Variants in ADAMTS14 observed in about 807,000 individuals in gnomAD.
ADAMTS14 encodes ADAM metallopeptidase with thrombospondin type 1 motif 14.
ADAMTS14 carries 100 observed loss-of-function variants against 128.6 expected under a neutral mutation model. That is an observed-to-expected ratio of 0.78 (90% CI 0.66 to 0.92). ADAMTS14 has a LOEUF of 0.92. Among genes scored for constraint, ADAMTS14 ranks in the 40% least tolerant of loss-of-function variants. The pLI is 0.00. For synonymous variants in ADAMTS14, 665 were observed against 653.8 expected (o/e 1.02, Z -0.26); for missense variants, 1,562 against 1,658.6 (o/e 0.94, Z 1.01).
At chr10:70,758,970 G>A (rs978731005) in intron 21 of ADAMTS14, among the ~76,000 whole-genome samples, 1 of 152,084 alleles carries the variant, frequency 6.6e-6, no homozygotes, top group African/African-American at 2.4e-5. Context: ...CCTAGGACCA[G>A]GGTCTGGCAA....
intron 21 of ADAMTS14, among the ~76,000 whole-genome samples, chr10:70,758,504 C>A (rs1842533745): frequency 6.6e-6 from 1 of 152,196 alleles, no homozygotes; most frequent in South Asian, 2.1e-4. Context: ...AAGTTTGGTG[C>A]AAACTTACCT....
At chr10:70,718,409 A>G (rs1841126113) in intron 4 of ADAMTS14, among the ~76,000 whole-genome samples, 1 of 152,024 alleles carries the variant, frequency 6.6e-6, no homozygotes, top group Admixed American at 6.5e-5. Context: ...TATTTTTTTG[A>G]GACGGAGTTT....
intron 19 of ADAMTS14, 132 bp from the exon 20 acceptor site, chr10:70,757,830 G>GGA (rs1233760859): frequency 2.7e-5 from 37 of 1,347,966 alleles, no homozygotes; most frequent in Non-Finnish European, 3.7e-5. Flanking sequence ...GTCAAGTGAA[G>GGA]ACTTGGTGCT....
intron 12 of ADAMTS14, 33 bp downstream of exon 12, chr10:70,741,195 TC>T: frequency 6.2e-7 from 1 of 1,603,476 alleles, no homozygotes. Flanking sequence ...CCACTCCATG[TC>T]CTTAGGCATC....
intron 6 of ADAMTS14, among the ~76,000 whole-genome samples, chr10:70,731,864 T>G (rs1190595090): frequency 6.6e-6 from 1 of 152,190 alleles, no homozygotes; most frequent in Non-Finnish European, 1.5e-5. Context: ...GATCTGAGTC[T>G]CCTGTTTTCC....
chr10:70,694,028 G>A (rs912940146), intron 2 of ADAMTS14, among the ~76,000 whole-genome samples: 2 of 152,220 alleles, frequency 1.3e-5, no homozygotes, highest in South Asian at 2.1e-4. Context: ...GCTGCAGCTC[G>A]GTCTGAATCA....
At chr10:70,722,725 C>T (rs554228331) in intron 4 of ADAMTS14, among the ~76,000 whole-genome samples, 1 of 152,268 alleles carries the variant, frequency 6.6e-6, no homozygotes, top group Non-Finnish European at 1.5e-5. Context: ...TCTCAACCAC[C>T]AAAGCTGTGA....
Position 70,714,246 on chromosome 10 carries a change from C to T in ADAMTS14, c.870+5468C>T, listed in dbSNP as rs147237792. 6.6e-5 allele frequency among the ~76,000 whole-genome samples: 10 copies of T among 152,276 alleles called. No individual in the cohort carries two copies. The East Asian group carries it at 1.7e-3, about 26-fold the overall frequency. ...AGAAATTATTAGTATTGTTTTTGAG[C>T]AACCACTGGGAGCCAGACTCTTTGT... On this transcript the variant is annotated intron_variant, in intron 4 of 21. Transcript: ENST00000373207.
intron 15 of ADAMTS14, 36 bp downstream of exon 15, chr10:70,745,342 C>G: frequency 6.2e-7 from 1 of 1,607,928 alleles, no homozygotes; most frequent in Non-Finnish European, 8.5e-7. Flanking sequence ...ACAGCAGGGC[C>G]CCAGGCCCTG....
Position 70,752,210 on chromosome 10 carries a change from C to T in ADAMTS14, c.2712C>T (p.His904=), listed in dbSNP as rs940602939. 5 of 1,613,590 alleles carry T rather than the reference C, an allele frequency of 3.1e-6. No homozygotes were observed. Among genetic ancestry groups the T allele is most frequent in the Non-Finnish European group, 4.2e-6 (5 of 1,179,926 alleles). Residue 904 remains histidine, a synonymous_variant, in exon 18 of 22, where the codon CAC becomes CAT. Coordinates refer to ENST00000373207, the MANE Select transcript of ADAMTS14 (RefSeq NM_080722.4). ...PKPIRRRCNQ[H]PCSQPVWVTE... ...CCATCCGCCGGCGCTGCAACCAGCA[C>T]CCGTGCTCTCAGCCTGTGTGAGTGC...
intron 2 of ADAMTS14, among the ~76,000 whole-genome samples, chr10:70,694,251 G>A (rs1204719359): frequency 1.3e-5 from 2 of 152,212 alleles, no homozygotes; most frequent in East Asian, 1.9e-4. Flanking sequence ...TTGCTGGAGC[G>A]TTTGTCGTCT....
At chr10:70,739,732 G>A (rs991573522) in intron 11 of ADAMTS14, among the ~76,000 whole-genome samples, 21 of 152,310 alleles carry the variant, frequency 1.4e-4, no homozygotes, top group African/African-American at 4.3e-4. Flanking sequence ...TGAAGACTGC[G>A]GAATCGCAAA....
Position 70,736,802 on chromosome 10 carries a change from G to T in ADAMTS14, c.1599+9G>T. 3 of 1,612,496 alleles carry T rather than the reference G, an allele frequency of 1.9e-6. No homozygotes were observed. The highest frequency in any genetic ancestry group is 1.1e-5 in the South Asian group (1 of 90,916). On this transcript the variant is annotated intron_variant, in intron 10 of 21. Coordinates refer to ENST00000373207, the MANE Select transcript of ADAMTS14 (RefSeq NM_080722.4). The stretch of plus-strand genomic sequence containing the variant: ...AGTGTGCACCCGGCAAGGTACCTGT[G>T]GGGTGTGCAGCAGGAGTGGCCTTCC...
At chr10:70,688,906 A>G (rs539994600) in intron 2 of ADAMTS14, among the ~76,000 whole-genome samples, 6 of 100,844 alleles carry the variant, frequency 5.9e-5, no homozygotes, top group Middle Eastern at 4.5e-3. Context: ...GGAGAGGGAG[A>G]GCCTTTGCTT....
chr10:70,715,531 G>A (rs1310024689), intron 4 of ADAMTS14, among the ~76,000 whole-genome samples: 2 of 152,082 alleles, frequency 1.3e-5, no homozygotes, highest in Non-Finnish European at 2.9e-5. Flanking sequence ...GGGTGAGGGT[G>A]GAGGGGATAC....
chr10:70,693,442 TC>T (rs2132571514), intron 2 of ADAMTS14, among the ~76,000 whole-genome samples: 1 of 152,186 alleles, frequency 6.6e-6, no homozygotes, highest in Admixed American at 6.5e-5. Context: ...ACAATGGTGA[TC>T]ATGAGAATCA....
intron 16 of ADAMTS14, 32 bp downstream of exon 16, chr10:70,750,017 G>T (rs1385932824): frequency 1.2e-6 from 2 of 1,606,856 alleles, no homozygotes; most frequent in Admixed American, 3.3e-5. Flanking sequence ...GGCAACCCCT[G>T]CCCACCCCAC....
chr10:70,709,484 G>T, intron 4 of ADAMTS14, among the ~76,000 whole-genome samples: 1 of 141,540 alleles, frequency 7.1e-6, no homozygotes, highest in South Asian at 2.3e-4. Flanking sequence ...ATATTTAAGT[G>T]AACATTTCCA....
At chr10:70,758,607 C>T (rs1221226468) in intron 21 of ADAMTS14, among the ~76,000 whole-genome samples, 1 of 152,224 alleles carries the variant, frequency 6.6e-6, no homozygotes, top group African/African-American at 2.4e-5. Flanking sequence ...TCTCAGGCTC[C>T]ATTGAGGATG....
Sources: gnomAD v4.1 joint callset for allele counts (sites outside exome capture counted in the v4.1 genomes callset) on GRCh38, gnomAD v4.1.1 for gene constraint, MANE v1.5 for transcripts, NCBI Gene and HGNC (gene_info 2026-07-23, HGNC 2026-07-21) for gene names.